The following SH3GL2 variants were observed in gnomAD, a reference collection of about 807,000 sequenced individuals.
SH3GL2 encodes endophilin-A1.
SH3GL2 carries 24 observed loss-of-function variants against 46.0 expected under a neutral mutation model. The ratio of observed to expected loss-of-function variants is 0.52; its 90% CI spans 0.38 to 0.73. SH3GL2 has a LOEUF of 0.73. SH3GL2 is among the 30% of genes least tolerant of loss of function. The pLI is 0.00. For synonymous variants in SH3GL2, 196 were observed against 147.1 expected (o/e 1.33, Z -2.40); for missense variants, 413 against 424.2 (o/e 0.97, Z 0.23).
chr9:17,655,049 C>G (rs1482201263), intron 1 of SH3GL2, among the ~76,000 whole-genome samples: 1 of 152,062 alleles, frequency 6.6e-6, no homozygotes, highest in Non-Finnish European at 1.5e-5. Context: ...CCCTCAGCAG[C>G]GAGAGATGAG....
At chr9:17,752,852 C>T (rs1279624746) in intron 2 of SH3GL2, among the ~76,000 whole-genome samples, 1 of 152,056 alleles carries the variant, frequency 6.6e-6, no homozygotes, top group Non-Finnish European at 1.5e-5. Flanking sequence ...CGATTGTCTC[C>T]CTCCTCCCAC....
intron 1 of SH3GL2, among the ~76,000 whole-genome samples, chr9:17,626,359 G>T (rs1206630607): frequency 6.6e-6 from 1 of 152,212 alleles, no homozygotes; most frequent in Non-Finnish European, 1.5e-5. Flanking sequence ...CCACTCTGAG[G>T]TTAGAGGACC....
intron 1 of SH3GL2, among the ~76,000 whole-genome samples, chr9:17,713,699 C>G (rs555245059): frequency 2.6e-5 from 4 of 151,656 alleles, no homozygotes; most frequent in African/African-American, 9.6e-5. Flanking sequence ...TTCCAGAGAT[C>G]TGCTTTTTTA....
intron 1 of SH3GL2, among the ~76,000 whole-genome samples, chr9:17,729,777 G>A (rs1822121797): frequency 6.6e-6 from 1 of 152,146 alleles, no homozygotes; most frequent in South Asian, 2.1e-4. Context: ...TTGTAGATGT[G>A]TAGTGTTATT....
intron 1 of SH3GL2, among the ~76,000 whole-genome samples, chr9:17,701,111 TAG>T (rs1821334042): frequency 6.6e-6 from 1 of 151,736 alleles, no homozygotes; most frequent in South Asian, 2.1e-4. Flanking sequence ...GAAGAGAGGG[TAG>T]AGAGTGAAAA....
At chr9:17,639,519 G>C (rs1268103103) in intron 1 of SH3GL2, among the ~76,000 whole-genome samples, 1 of 152,182 alleles carries the variant, frequency 6.6e-6, no homozygotes, top group Admixed American at 6.5e-5. Context: ...GTTAAAAAGA[G>C]AATACCAAAT....
chr9:17,785,389 T>C (rs1296814055), intron 3 of SH3GL2, among the ~76,000 whole-genome samples: 3 of 152,210 alleles, frequency 2.0e-5, no homozygotes, highest in Non-Finnish European at 4.4e-5. Context: ...CAGGATGTGC[T>C]CTCCTGATAA....
chr9:17,772,139 A>G (rs563790878), intron 3 of SH3GL2, among the ~76,000 whole-genome samples: 1 of 152,274 alleles, frequency 6.6e-6, no homozygotes, highest in South Asian at 2.1e-4. Flanking sequence ...AGGCCATAAT[A>G]TGCAATAATC....
intron 1 of SH3GL2, among the ~76,000 whole-genome samples, chr9:17,644,886 TTC>T (rs1475792753): frequency 6.6e-6 from 1 of 151,876 alleles, no homozygotes; most frequent in Admixed American, 6.6e-5. Context: ...CTTGTTAATT[TTC>T]TGTCTCGTTG....
intron 1 of SH3GL2, among the ~76,000 whole-genome samples, chr9:17,623,107 C>T (rs1285335048): frequency 2.4e-5 from 3 of 126,364 alleles, no homozygotes; most frequent in South Asian, 2.8e-4. Context: ...TCTTTGCATT[C>T]GTTCTGCTTT....
At chr9:17,639,517 G>C (rs1486202136) in intron 1 of SH3GL2, among the ~76,000 whole-genome samples, 1 of 152,208 alleles carries the variant, frequency 6.6e-6, no homozygotes, top group Non-Finnish European at 1.5e-5. Flanking sequence ...AAGTTAAAAA[G>C]AGAATACCAA....
At chr9:17,771,348 C>T (rs900883889) in intron 3 of SH3GL2, among the ~76,000 whole-genome samples, 4 of 152,184 alleles carry the variant, frequency 2.6e-5, no homozygotes, top group Admixed American at 1.3e-4. Context: ...TGGCACAGTG[C>T]CTGACACTTA....
At chr9:17,598,394 A>G (rs796179966) in intron 1 of SH3GL2, among the ~76,000 whole-genome samples, 7 of 152,370 alleles carry the variant, frequency 4.6e-5, no homozygotes, top group African/African-American at 1.4e-4. Context: ...ATGATTTTAC[A>G]TCATTATCTT....
In SH3GL2 at chr9:17,579,156, AG is replaced by A; in HGVS notation, c.-83del. On this transcript the variant is annotated 5_prime_UTR_variant, in exon 1 of 9. Coordinates refer to ENST00000380607, the MANE Select transcript of SH3GL2 (RefSeq NM_003026.5). Reference sequence around the variant, plus strand: ...GGCGGCGGCACGACCAGAGGCGGCCAGGGGAGCGCGCCGCCCCGCTCGGCCC... The same window carrying A: ...GGCGGCGGCACGACCAGAGGCGGCCAGGGAGCGCGCCGCCCCGCTCGGCCC... 5.3e-6 allele frequency: 5 copies of A among 948,276 alleles called. No homozygotes were observed. The highest frequency in any genetic ancestry group is 5.2e-5 in the African/African-American group (3 of 57,604). 58.7% of individuals were successfully genotyped at this position (948,276 alleles called of 1,614,324 possible). A position where few individuals can be genotyped will look rare whatever the true frequency, so the allele number is the denominator to read the frequency against.
intron 1 of SH3GL2, among the ~76,000 whole-genome samples, chr9:17,581,163 A>G (rs1818270481): frequency 1.3e-5 from 2 of 152,240 alleles, no homozygotes; most frequent in Non-Finnish European, 2.9e-5. Context: ...TGAAGAAGTT[A>G]CCCAAGCTAG....
At chr9:17,593,665 G>T (rs902214887) in intron 1 of SH3GL2, among the ~76,000 whole-genome samples, 17 of 152,108 alleles carry the variant, frequency 1.1e-4, no homozygotes, top group African/African-American at 3.9e-4. Context: ...TGCCTGTAAT[G>T]GGGTATTTAA....
At chr9:17,641,833 T>G (rs1410257855) in intron 1 of SH3GL2, among the ~76,000 whole-genome samples, 1 of 150,266 alleles carries the variant, frequency 6.7e-6, no homozygotes, top group Non-Finnish European at 1.5e-5. Flanking sequence ...CTTTATCCAG[T>G]CTATCACTGA....
At chr9:17,713,196 A>G (rs1000423362) in intron 1 of SH3GL2, among the ~76,000 whole-genome samples, 4 of 151,458 alleles carry the variant, frequency 2.6e-5, no homozygotes, top group African/African-American at 4.8e-5. Flanking sequence ...AGCTAACTCT[A>G]TATTCCTCGG....
Position 17,779,451 on chromosome 9 carries a change from C to G in SH3GL2, c.188-6930C>G, listed in dbSNP as rs571425285. 3.9e-5 allele frequency among the ~76,000 whole-genome samples: 6 copies of G among 152,158 alleles called. No individual in the cohort carries two copies. The South Asian group carries it at 1.0e-3, about 26-fold the overall frequency. The stretch of plus-strand genomic sequence containing the variant: ...TTTCCTGTTAGTAACTATGAGAGCT[C>G]GGATAGGCTTTCCAGGCTCTCTGAG... On this transcript the variant is annotated intron_variant, in intron 3 of 8. Coordinates refer to ENST00000380607, the MANE Select transcript of SH3GL2 (RefSeq NM_003026.5).
Sources: allele counts gnomAD v4.1 joint callset (sites outside exome capture counted in the v4.1 genomes callset), GRCh38; gene constraint gnomAD v4.1.1; transcripts MANE v1.5; gene names NCBI Gene and HGNC (gene_info 2026-07-23, HGNC 2026-07-21).